The following SPOCK3 variants were observed in gnomAD, a reference collection of about 807,000 sequenced individuals.
The protein encoded by SPOCK3 is testican-3.
SPOCK3 carries 30 observed loss-of-function variants against 56.6 expected under a neutral mutation model. The observed-to-expected ratio is 0.53, with a 90% CI of 0.40 to 0.72. The LOEUF is 0.72. Among genes scored for constraint, SPOCK3 ranks in the 30% least tolerant of loss-of-function variants. SPOCK3 has a pLI of 0.00. For synonymous variants in SPOCK3, 196 were observed against 183.3 expected, an observed-to-expected ratio of 1.07 and a Z score of -0.56; for missense variants, 527 against 530.0, an observed-to-expected ratio of 0.99 and a Z score of 0.06.
intron 7 of SPOCK3, among the ~76,000 whole-genome samples, chr4:166,780,776 G>A (rs1278850839): frequency 6.6e-6 from 1 of 152,050 alleles, no homozygotes; most frequent in African/African-American, 2.4e-5. Context: ...AAAATATGAA[G>A]GAATGCTCTC....
At chr4:167,060,668 A>T (rs911541301) in intron 3 of SPOCK3, among the ~76,000 whole-genome samples, 5 of 152,146 alleles carry the variant, frequency 3.3e-5, no homozygotes, top group Non-Finnish European at 4.4e-5. Flanking sequence ...TGTTCAAGTA[A>T]ATGTGCATTT....
rs1733948258 is a variant in SPOCK3 at position 166,733,579 on chromosome 4, C to T, written c.*1342G>A. The T allele has an allele frequency of 6.6e-6, 1 of 151,754 alleles. No homozygotes were observed. Among genetic ancestry groups the T allele is most frequent in the South Asian group, 2.1e-4 (1 of 4,828 alleles). 9.4% of individuals were successfully genotyped at this position (151,754 alleles called of 1,614,324 possible). Reference sequence around the variant, plus strand: ...TTACCCACTGTTGAAATTAAAGATACCAATACGTAACATTCAACAGGTTTT... The same window carrying T: ...TTACCCACTGTTGAAATTAAAGATATCAATACGTAACATTCAACAGGTTTT... On this transcript the variant is annotated 3_prime_UTR_variant, in exon 11 of 11. Transcript: ENST00000357545.
At chr4:166,794,735 C>A (rs924438509) in intron 6 of SPOCK3, among the ~76,000 whole-genome samples, 1 of 147,228 alleles carries the variant, frequency 6.8e-6, no homozygotes, top group Admixed American at 7.0e-5. Context: ...CTCTGCCTTT[C>A]GGGTTCAAGA....
At chr4:166,786,255 T>C (rs1374672748) in intron 7 of SPOCK3, among the ~76,000 whole-genome samples, 1 of 152,078 alleles carries the variant, frequency 6.6e-6, no homozygotes, top group African/African-American at 2.4e-5. Flanking sequence ...GATGTGCCTT[T>C]ACTATGAAGA....
intron 2 of SPOCK3, among the ~76,000 whole-genome samples, chr4:167,171,904 C>G (rs1464353894): frequency 6.6e-6 from 1 of 150,888 alleles, no homozygotes; most frequent in Non-Finnish European, 1.5e-5. Context: ...AAGATTACCA[C>G]CCCCCACTCC....
intron 4 of SPOCK3, among the ~76,000 whole-genome samples, chr4:166,946,787 G>A (rs1741811229): frequency 2.0e-5 from 3 of 152,144 alleles, no homozygotes; most frequent in African/African-American, 7.2e-5. Flanking sequence ...AGTACAGCAT[G>A]GGCAGGAATG....
intron 2 of SPOCK3, among the ~76,000 whole-genome samples, chr4:167,176,222 G>C (rs1480063755): frequency 6.6e-6 from 1 of 152,054 alleles, no homozygotes; most frequent in African/African-American, 2.4e-5. Context: ...TAATCTTCCA[G>C]TCTCAAATAC....
chr4:166,805,782 A>T (rs1254841769), intron 6 of SPOCK3, among the ~76,000 whole-genome samples: 1 of 131,566 alleles, frequency 7.6e-6, no homozygotes, highest in East Asian at 1.9e-4. Context: ...ATAAAAACTG[A>T]CTGGCTTTGC....
intron 2 of SPOCK3, among the ~76,000 whole-genome samples, chr4:167,098,096 C>G (rs1313259195): frequency 6.6e-6 from 1 of 151,932 alleles, no homozygotes; most frequent in Admixed American, 6.6e-5. Flanking sequence ...CTATTAGCGG[C>G]AGGAATGCCT....
intron 4 of SPOCK3, among the ~76,000 whole-genome samples, chr4:166,954,119 C>G (rs186498252): frequency 1.3e-5 from 2 of 152,140 alleles, no homozygotes; most frequent in East Asian, 1.9e-4. Flanking sequence ...GTATATTGCC[C>G]ATTTTTAAAT....
intron 7 of SPOCK3, among the ~76,000 whole-genome samples, chr4:166,785,731 G>A (rs529249461): frequency 1.3e-4 from 20 of 152,092 alleles, no homozygotes; most frequent in African/African-American, 4.8e-4. Flanking sequence ...ATTTCATTAA[G>A]CTTTTACCCT....
intron 4 of SPOCK3, among the ~76,000 whole-genome samples, chr4:166,939,558 A>G (rs1181177428): frequency 6.6e-6 from 1 of 152,198 alleles, no homozygotes; most frequent in Non-Finnish European, 1.5e-5. Flanking sequence ...GCAGGAAATG[A>G]TACCTGAGTT....
At chr4:166,831,235 T>C (rs918979981) in intron 6 of SPOCK3, among the ~76,000 whole-genome samples, 1 of 152,220 alleles carries the variant, frequency 6.6e-6, no homozygotes, top group African/African-American at 2.4e-5. Context: ...TATTAATGTT[T>C]GTAGCTTTCA....
chr4:166,856,305 T>C (rs1730659793), intron 6 of SPOCK3, among the ~76,000 whole-genome samples: 1 of 152,140 alleles, frequency 6.6e-6, no homozygotes, highest in Admixed American at 6.5e-5. Flanking sequence ...AATAATAATG[T>C]TTTGTATATT....
intron 2 of SPOCK3, among the ~76,000 whole-genome samples, chr4:167,187,721 T>A (rs1732122847): frequency 6.6e-6 from 1 of 152,164 alleles, no homozygotes; most frequent in African/African-American, 2.4e-5. Context: ...TGATTAATAA[T>A]TTTAGAAAAA....
At chr4:166,887,639 TGGA>T (rs1378441355) in intron 6 of SPOCK3, among the ~76,000 whole-genome samples, 2 of 151,930 alleles carry the variant, frequency 1.3e-5, no homozygotes, top group African/African-American at 4.8e-5. Context: ...GAGAGTGGAT[TGGA>T]GGAGATGAGG....
intron 6 of SPOCK3, among the ~76,000 whole-genome samples, chr4:166,871,303 A>G (rs533137812): frequency 3.7e-4 from 57 of 152,270 alleles, no homozygotes; most frequent in African/African-American, 1.3e-3. Flanking sequence ...AAAATTGAGA[A>G]GCATAGAGAT....
At chr4:166,791,011 G>A (rs1283674076) in intron 7 of SPOCK3, among the ~76,000 whole-genome samples, 7 of 152,032 alleles carry the variant, frequency 4.6e-5, no homozygotes, top group Non-Finnish European at 8.8e-5. Context: ...ATTTACATTT[G>A]CCAAAAAATT....
chr4:167,101,118 T>C (rs1759600722), intron 2 of SPOCK3, among the ~76,000 whole-genome samples: 1 of 152,140 alleles, frequency 6.6e-6, no homozygotes, highest in Admixed American at 6.5e-5. Flanking sequence ...TTCCCTAATG[T>C]TCTCTTAAGT....
Sources: allele counts gnomAD v4.1 joint callset (sites outside exome capture counted in the v4.1 genomes callset), GRCh38; gene constraint gnomAD v4.1.1; transcripts MANE v1.5; gene names NCBI Gene and HGNC (gene_info 2026-07-23, HGNC 2026-07-21).